ANKRD22: variants seen among roughly 807,000 people sequenced by gnomAD.
ANKRD22 encodes the protein ankyrin repeat domain 22, also known as ankyrin repeat domain-containing protein 22.
Under a neutral mutation model 25.7 loss-of-function variants are expected in ANKRD22, and 24 were observed. The observed-to-expected ratio is 0.93, with a 90% CI of 0.68 to 1.31. The LOEUF (loss-of-function observed/expected upper bound fraction) is 1.31. ANKRD22 is among the 50% of genes most tolerant of loss of function. The probability of loss-of-function intolerance (pLI) is 0.00; values close to 1 mark genes in which losing one functional copy is unlikely to be tolerated. For missense variants in ANKRD22, 214 were observed against 227.1 expected, an observed-to-expected ratio of 0.94 and a Z score of 0.37; for synonymous variants, 84 against 84.3, an observed-to-expected ratio of 1.00 and a Z score of 0.02.
intron 1 of ANKRD22, among the ~76,000 whole-genome samples, chr10:88,838,665 A>G (rs1487943706): frequency 1.3e-5 from 2 of 152,106 alleles, no homozygotes; most frequent in East Asian, 3.8e-4. Flanking sequence ...AAGAAAGGGG[A>G]ACTTGTGTTC....
intron 4 of ANKRD22, among the ~76,000 whole-genome samples, chr10:88,823,688 C>T (rs1032860567): frequency 6.6e-6 from 1 of 151,950 alleles, no homozygotes; most frequent in Non-Finnish European, 1.5e-5. Context: ...ATTAGCCGGG[C>T]GCGGTGGCGG....
Position 88,820,482 on chromosome 10 carries a change from G to T in ANKRD22, c.*2459C>A, listed in dbSNP as rs1442963658. ...GAGGAGACCAACCTTTCCCAGGGAC[G>T]GTGTGAGGCCGTATTGTGAAGCATC... On this transcript the variant is annotated 3_prime_UTR_variant, in exon 6 of 6. Coordinates refer to ENST00000371930, the MANE Select transcript of ANKRD22 (RefSeq NM_144590.3). 1 of 1,551,126 alleles carries T rather than the reference G, an allele frequency of 6.4e-7. No individual in the cohort carries two copies.
intron 1 of ANKRD22, among the ~76,000 whole-genome samples, chr10:88,838,893 C>T (rs59486418): frequency 2.0e-5 from 3 of 151,974 alleles, no homozygotes; most frequent in Non-Finnish European, 1.5e-5. Context: ...GACTAGTAGG[C>T]GAGGAGGAGA....
rs1054068220 is a variant in ANKRD22 at position 88,820,490 on chromosome 10, G to T, written c.*2451C>A. The T allele has an allele frequency of 1.9e-5, 29 of 1,550,394 alleles. No individual in the cohort carries two copies. Among genetic ancestry groups the T allele is most frequent in the Non-Finnish European group, 2.5e-5 (29 of 1,146,798 alleles). On this transcript the variant is annotated 3_prime_UTR_variant, in exon 6 of 6. Coordinates refer to ENST00000371930, the MANE Select transcript of ANKRD22 (RefSeq NM_144590.3). ...CAACCTTTCCCAGGGACGGTGTGAG[G>T]CCGTATTGTGAAGCATCTGACACTG... is the stretch of plus-strand genomic sequence containing the variant.
intron 1 of ANKRD22, among the ~76,000 whole-genome samples, chr10:88,846,735 G>A (rs562848456): frequency 2.2e-4 from 34 of 152,262 alleles, no homozygotes; most frequent in East Asian, 9.7e-4. Context: ...ACATCCCAGC[G>A]CAATTATCCT....
rs1211374405 is a variant in ANKRD22, at chr10:88,821,340, C to T, written c.*1601G>A. On this transcript the variant is annotated 3_prime_UTR_variant, in exon 6 of 6. Transcript: ENST00000371930. ...TGACAAAGTTAATGTCAGACAGTCT[C>T]TGCAACTCATTGACAAACCATGATT... Among the ~76,000 whole-genome samples the T allele has an allele frequency of 6.6e-6, 1 of 152,246 alleles. No homozygotes were observed. The highest frequency in any genetic ancestry group is 1.9e-4 in the East Asian group (1 of 5,204).
chr10:88,845,119 T>C (rs2133081603), intron 1 of ANKRD22, among the ~76,000 whole-genome samples: 1 of 152,250 alleles, frequency 6.6e-6, no homozygotes, highest in Non-Finnish European at 1.5e-5. Context: ...ATCAGCTCAC[T>C]TCACATACAA....
chr10:88,849,027 T>TGG (rs35949316), intron 1 of ANKRD22, among the ~76,000 whole-genome samples: 81 of 151,954 alleles, frequency 5.3e-4, no homozygotes, highest in African/African-American at 1.7e-3. Flanking sequence ...TGTGTGTGTG[T>TGG]GGGTGTGTGT....
At chr10:88,831,732 G>A in intron 2 of ANKRD22, 103 bp downstream of exon 2, 3 of 1,174,866 alleles carry the variant, frequency 2.6e-6, no homozygotes. Flanking sequence ...TTCGTATTAG[G>A]AGCTGCAAGC....
At chr10:88,847,117 T>C (rs1226789282) in intron 1 of ANKRD22, among the ~76,000 whole-genome samples, 1 of 152,206 alleles carries the variant, frequency 6.6e-6, no homozygotes, top group Non-Finnish European at 1.5e-5. Context: ...ATCCACTTTC[T>C]CAATACACAA....
chr10:88,831,344 A>G lies in ANKRD22; in HGVS notation c.213+491T>C, dbSNP rs527771108. The stretch of plus-strand genomic sequence containing the variant: ...TGTGACTTCAAGTAACCTCTGGCTC[A>G]TGAGCTTATTTGTCCTTGGTAAATT... On this transcript the variant is annotated intron_variant, in intron 2 of 5. Transcript: ENST00000371930. Among the ~76,000 whole-genome samples, 40 of 152,338 alleles carry G rather than the reference A, an allele frequency of 2.6e-4. 1 individual carries two copies. The highest frequency in any genetic ancestry group is 3.4e-3 in the Middle Eastern group (1 of 294).
At chr10:88,842,213 T>G (rs1844009121) in intron 1 of ANKRD22, among the ~76,000 whole-genome samples, 4 of 152,150 alleles carry the variant, frequency 2.6e-5, no homozygotes, top group Admixed American at 2.0e-4. Flanking sequence ...TGAACTCTTT[T>G]TATATACCAT....
intron 1 of ANKRD22, among the ~76,000 whole-genome samples, chr10:88,833,156 G>A (rs1843923077): frequency 6.6e-6 from 1 of 152,148 alleles, no homozygotes; most frequent in Admixed American, 6.5e-5. Context: ...TGAAGTTCAG[G>A]CCGTAAACCC....
At chr10:88,851,096 A>T (rs1308832859) in intron 1 of ANKRD22, among the ~76,000 whole-genome samples, 1 of 152,206 alleles carries the variant, frequency 6.6e-6, no homozygotes, top group Non-Finnish European at 1.5e-5. Context: ...ATATGTTATT[A>T]TTCCTCTTCT....
intron 1 of ANKRD22, among the ~76,000 whole-genome samples, chr10:88,847,938 G>T (rs1844067097): frequency 6.6e-6 from 1 of 151,782 alleles, no homozygotes; most frequent in South Asian, 2.1e-4. Context: ...TCAAGAAAAA[G>T]ATATATCACA....
intron 1 of ANKRD22, among the ~76,000 whole-genome samples, chr10:88,842,144 T>G (rs924903817): frequency 6.6e-6 from 1 of 152,142 alleles, no homozygotes; most frequent in Non-Finnish European, 1.5e-5. Flanking sequence ...GTAAGTCTCC[T>G]TTGGGAAAAA....
At chr10:88,825,029 A>ACACACT in intron 4 of ANKRD22, among the ~76,000 whole-genome samples, 1 of 151,880 alleles carries the variant, frequency 6.6e-6, no homozygotes. Context: ...ACACACACAC[A>ACACACT]CACACACACA....
In ANKRD22 at chr10:88,825,332, A is replaced by G. The variant is rs115338434; in HGVS notation, c.399+706T>C. 4.9e-3 allele frequency among the ~76,000 whole-genome samples: 751 copies of G among 152,390 alleles called. 7 individuals are homozygous for G. Among genetic ancestry groups the G allele is most frequent in the African/African-American group, 0.017 (715 of 41,592 alleles). On this transcript the variant is annotated intron_variant, in intron 4 of 5. Coordinates refer to ENST00000371930, the MANE Select transcript of ANKRD22 (RefSeq NM_144590.3). ...TTTGTCTTTCTGTGATCATTGAGAAAGAAAGATGAGTGCAAGAGCACAGAG... is the reference window on the plus strand; with the variant it reads ...TTTGTCTTTCTGTGATCATTGAGAAGGAAAGATGAGTGCAAGAGCACAGAG...
At position 88,823,827 on chromosome 10, in the gene ANKRD22, C is replaced by CAAAAAAAAAAAAAAA. The variant is rs56194758; in HGVS notation, c.400-464_400-450dup. 7.0e-3 allele frequency among the ~76,000 whole-genome samples: 722 copies of CAAAAAAAAAAAAAAA among 103,584 alleles called. 33 individuals carry two copies. Among genetic ancestry groups the CAAAAAAAAAAAAAAA allele is most frequent in the African/African-American group, 0.029 (679 of 23,118 alleles). The allele number at this position is 103,584 out of a possible 152,430, so 68.0% of individuals were successfully genotyped here. A position where few individuals can be genotyped will look rare whatever the true frequency, so the allele number is the denominator to read the frequency against. ...TGGGCGACAGAGCGAGACTCCGTCT[C>CAAAAAAAAAAAAAAA]AAAAAAAAAAAAAAAAAAATTTCTT... On this transcript the variant is annotated intron_variant, in intron 4 of 5. Transcript: ENST00000371930.
Sources: gnomAD v4.1 joint callset for allele counts (sites outside exome capture counted in the v4.1 genomes callset) on GRCh38, gnomAD v4.1.1 for gene constraint, MANE v1.5 for transcripts, NCBI Gene and HGNC (gene_info 2026-07-23, HGNC 2026-07-21) for gene names.